The following GRIA4 variants were observed in gnomAD, a reference collection of about 807,000 sequenced individuals.
GRIA4 encodes glutamate ionotropic receptor AMPA type subunit 4, also known as glutamate receptor 4.
GRIA4 carries 34 observed loss-of-function variants against 104.0 expected under a neutral mutation model. The observed-to-expected ratio is 0.33, with a 90% confidence interval of 0.25 to 0.44. The LOEUF (loss-of-function observed/expected upper bound fraction) is 0.44. GRIA4 is among the 20% of genes least tolerant of loss of function. GRIA4 has a pLI of 1.00. For synonymous variants in GRIA4, 386 were observed against 381.9 expected (o/e 1.01, Z -0.13); for missense variants, 750 against 1,096.5 (o/e 0.68, Z 4.46).
intron 4 of GRIA4, among the ~76,000 whole-genome samples, chr11:105,839,803 G>A (rs1054236763): frequency 1.3e-5 from 2 of 151,930 alleles, no homozygotes; most frequent in Non-Finnish European, 2.9e-5. Flanking sequence ...CTTATAATCA[G>A]CTTCTCTAGT....
chr11:105,722,253 TA>T lies in GRIA4; in HGVS notation c.248-30726del, dbSNP rs1395572454. 2.6e-5 allele frequency among the ~76,000 whole-genome samples: 4 copies of T among 152,162 alleles called. No homozygotes were observed. In the East Asian group the frequency reaches 7.7e-4, roughly 29 times the overall value. On this transcript the variant is annotated intron_variant, in intron 3 of 16. Transcript: ENST00000282499. The stretch of plus-strand genomic sequence containing the variant: ...CTTTATGATGGGTTTATCAGGGTAT[TA>T]ATTTCATTTTCAACTTATGATGTTT...
chr11:105,975,474 TA>T (rs985425074), intron 16 of GRIA4, among the ~76,000 whole-genome samples: 4 of 151,510 alleles, frequency 2.6e-5, no homozygotes, highest in South Asian at 2.1e-4. Context: ...GTTGGAGATT[TA>T]AAAAAAAATC....
At chr11:105,973,058 C>T (rs1858779902) in intron 15 of GRIA4, among the ~76,000 whole-genome samples, 1 of 152,040 alleles carries the variant, frequency 6.6e-6, no homozygotes, top group African/African-American at 2.4e-5. Flanking sequence ...CAAGCTTGGC[C>T]AGATAATTAA....
At chr11:105,700,634 A>G (rs548007539) in intron 3 of GRIA4, among the ~76,000 whole-genome samples, 1 of 152,284 alleles carries the variant, frequency 6.6e-6, no homozygotes, top group East Asian at 1.9e-4. Context: ...TGCTCAGGCC[A>G]GAAATTGGGA....
intron 4 of GRIA4, among the ~76,000 whole-genome samples, chr11:105,768,396 A>G (rs1941052409): frequency 6.6e-6 from 1 of 152,134 alleles, no homozygotes; most frequent in East Asian, 1.9e-4. Flanking sequence ...ACTGGAGAAA[A>G]TAAAGTGATA....
intron 9 of GRIA4, among the ~76,000 whole-genome samples, chr11:105,909,308 G>A (rs1240614239): frequency 6.6e-6 from 1 of 152,132 alleles, no homozygotes; most frequent in Non-Finnish European, 1.5e-5. Context: ...AGAACAAATA[G>A]TGAATACAGA....
intron 4 of GRIA4, among the ~76,000 whole-genome samples, chr11:105,817,155 T>G (rs1454026478): frequency 6.6e-6 from 1 of 151,968 alleles, no homozygotes; most frequent in Non-Finnish European, 1.5e-5. Context: ...TTCCTCATCT[T>G]TAATGGGGAA....
chr11:105,652,678 A>T (rs1951717438), intron 3 of GRIA4, among the ~76,000 whole-genome samples: 1 of 151,988 alleles, frequency 6.6e-6, no homozygotes, highest in Admixed American at 6.6e-5. Flanking sequence ...ACTCATGCTG[A>T]TTCATACATG....
At chr11:105,926,163 G>C (rs1947698472) in intron 12 of GRIA4, among the ~76,000 whole-genome samples, 1 of 152,056 alleles carries the variant, frequency 6.6e-6, no homozygotes, top group Admixed American at 6.6e-5. Context: ...ACGCTCTTCG[G>C]GTCCAATCTC....
At chr11:105,907,945 CTCAAGATCTTGACTCAGGTT>C (rs2136156064) in intron 9 of GRIA4, among the ~76,000 whole-genome samples, 1 of 152,228 alleles carries the variant, frequency 6.6e-6, no homozygotes, top group African/African-American at 2.4e-5. Flanking sequence ...TAGAGCATCA[CTCAAGATCTTGACTCAGGTT>C]TCAAGATCTT....
chr11:105,817,485 T>C (rs937152771), intron 4 of GRIA4, among the ~76,000 whole-genome samples: 3 of 151,694 alleles, frequency 2.0e-5, no homozygotes, highest in Non-Finnish European at 2.9e-5. Flanking sequence ...AGTAATAGTT[T>C]TTAAATTTTT....
intron 4 of GRIA4, among the ~76,000 whole-genome samples, chr11:105,770,322 G>T (rs758700549): frequency 5.3e-5 from 8 of 151,954 alleles, no homozygotes; most frequent in Admixed American, 5.3e-4. Context: ...TAAAAGTCTC[G>T]TGTTTAATAT....
At chr11:105,834,195 A>T (rs1431438633) in intron 4 of GRIA4, among the ~76,000 whole-genome samples, 1 of 152,082 alleles carries the variant, frequency 6.6e-6, no homozygotes, top group Non-Finnish European at 1.5e-5. Flanking sequence ...TCTCCACACT[A>T]AAATACATAG....
intron 3 of GRIA4, among the ~76,000 whole-genome samples, chr11:105,722,209 G>A (rs1353694711): frequency 6.6e-6 from 1 of 151,954 alleles, no homozygotes; most frequent in Non-Finnish European, 1.5e-5. Flanking sequence ...TTTTGTGGTT[G>A]GACTTAACCA....
intron 5 of GRIA4, among the ~76,000 whole-genome samples, chr11:105,881,330 A>G (rs1198888987): frequency 6.6e-6 from 1 of 152,214 alleles, no homozygotes; most frequent in African/African-American, 2.4e-5. Context: ...TGTAGACCAC[A>G]GAAAACCTAC....
chr11:105,979,919 G>T lies in GRIA4; in HGVS notation c.*180G>T. 6.6e-5 allele frequency: 28 copies of T among 422,338 alleles called. No individual in the cohort carries two copies. The highest frequency in any genetic ancestry group is 9.6e-5 in the Non-Finnish European group (22 of 229,670). The allele number at this position is 422,338 out of a possible 1,614,324, so 26.2% of individuals were successfully genotyped here. ...GCAACGTGTGCATGAGCTCAGCTCGGAAACCCAAACTCAGATTTTATATCA... is the reference window on the plus strand; with the variant it reads ...GCAACGTGTGCATGAGCTCAGCTCGTAAACCCAAACTCAGATTTTATATCA... On this transcript the variant is annotated 3_prime_UTR_variant, in exon 17 of 17. Transcript: ENST00000282499.
At chr11:105,939,230 T>C (rs928958140) in intron 14 of GRIA4, among the ~76,000 whole-genome samples, 19 of 152,208 alleles carry the variant, frequency 1.2e-4, no homozygotes, top group African/African-American at 4.6e-4. Flanking sequence ...AGATGCTTTA[T>C]AGCAGCCTGA....
At chr11:105,929,069 C>T (rs576829301) in intron 13 of GRIA4, among the ~76,000 whole-genome samples, 11 of 152,024 alleles carry the variant, frequency 7.2e-5, no homozygotes, top group Admixed American at 3.9e-4. Context: ...AAATAATTTC[C>T]CCTGGCAACA....
At chr11:105,818,366 A>C (rs1003089634) in intron 4 of GRIA4, among the ~76,000 whole-genome samples, 4 of 152,146 alleles carry the variant, frequency 2.6e-5, no homozygotes, top group African/African-American at 9.7e-5. Flanking sequence ...TTACATTCAG[A>C]GAGTGGCCTG....
Sources: gnomAD v4.1 joint callset for allele counts (sites outside exome capture counted in the v4.1 genomes callset) on GRCh38, gnomAD v4.1.1 for gene constraint, MANE v1.5 for transcripts, NCBI Gene and HGNC (gene_info 2026-07-23, HGNC 2026-07-21) for gene names.